Variants in SASH1 observed in about 807,000 individuals in gnomAD.
SASH1 encodes the protein SAM and SH3 domain-containing protein 1.
Under a neutral mutation model 125.2 loss-of-function variants are expected in SASH1, and 44 were observed. The observed-to-expected ratio is 0.35, with a 90% CI of 0.28 to 0.45. SASH1 has a LOEUF of 0.45. Among genes scored for constraint, SASH1 ranks in the 20% least tolerant of loss-of-function variants. The probability of loss-of-function intolerance (pLI) is 1.00; values close to 1 mark genes in which losing one functional copy is unlikely to be tolerated. For missense variants in SASH1, 1,426 were observed against 1,614.5 expected, an observed-to-expected ratio of 0.88 and a Z score of 2.00; for synonymous variants, 639 against 649.1, an observed-to-expected ratio of 0.98 and a Z score of 0.24.
intron 5 of SASH1, 87 bp from the exon 6 acceptor site, chr6:148,471,330 C>T (rs912004797): frequency 3.2e-5 from 26 of 814,738 alleles, no homozygotes; most frequent in African/African-American, 7.4e-5. Context: ...CTTTGAATTA[C>T]AAGGAAGAGG....
intron 1 of SASH1, among the ~76,000 whole-genome samples, chr6:148,319,409 T>G (rs1780580832): frequency 1.3e-5 from 2 of 152,170 alleles, no homozygotes. Context: ...TAGTCCTCCC[T>G]TATTCATGGT....
chr6:148,534,865 C>T lies in SASH1; in HGVS notation c.2059C>T (p.Leu687Phe). The T allele has an allele frequency of 6.2e-7, 1 of 1,614,256 alleles. No homozygotes were observed. Among genetic ancestry groups the T allele is most frequent in the Non-Finnish European group, 8.5e-7 (1 of 1,180,044 alleles). Residue 687 changes from leucine to phenylalanine, a missense_variant, in exon 16 of 20, where the codon CTC becomes TTC. Physicochemically the swap from Leu to Phe is conservative, Grantham distance 22. This residue lies in a region of SASH1 where 225 missense variants were observed against 344.5 expected (regional missense o/e 0.65). Coordinates refer to ENST00000367467, the MANE Select transcript of SASH1 (RefSeq NM_015278.5). The part of the protein sequence containing the change: ...NIRDPEHRAV[L>F]LTAVELLQEY... ...CAGGGACCCGGAACACAGAGCTGTT[C>T]TCTTGACAGCAGTGGAGCTGTTACA...
chr6:148,310,424 GA>G (rs5880770), intron 1 of SASH1, among the ~76,000 whole-genome samples: 47,494 of 140,614 alleles, frequency 0.34, 8,096 homozygotes, highest in African/African-American at 0.49. Flanking sequence ...ATCCATATGT[GA>G]AAAAAAAAAA....
chr6:148,386,622 G>A (rs1421591537), intron 1 of SASH1, among the ~76,000 whole-genome samples: 1 of 152,204 alleles, frequency 6.6e-6, no homozygotes, highest in East Asian at 1.9e-4. Context: ...AGTGGCAGGT[G>A]TGTTTTGTTT....
chr6:148,420,727 A>G (rs1317923182), intron 2 of SASH1, among the ~76,000 whole-genome samples: 1 of 152,068 alleles, frequency 6.6e-6, no homozygotes. Flanking sequence ...GTCTTTGAGT[A>G]TACCATAATT....
At chr6:148,492,708 C>G (rs1400786454) in intron 8 of SASH1, among the ~76,000 whole-genome samples, 1 of 152,034 alleles carries the variant, frequency 6.6e-6, no homozygotes, top group Non-Finnish European at 1.5e-5. Flanking sequence ...ATAGTCCCAG[C>G]TACTTGGGAG....
intron 2 of SASH1, among the ~76,000 whole-genome samples, chr6:148,427,915 C>T (rs1269741424): frequency 2.0e-5 from 3 of 152,168 alleles, no homozygotes; most frequent in Non-Finnish European, 4.4e-5. Flanking sequence ...TCAGCTTTGC[C>T]CAATGTGAAA....
intron 1 of SASH1, among the ~76,000 whole-genome samples, chr6:148,292,303 T>G (rs944367180): frequency 6.6e-6 from 1 of 152,170 alleles, no homozygotes; most frequent in Non-Finnish European, 1.5e-5. Flanking sequence ...TGCCCTGAGC[T>G]CTGAGCTTGC....
intron 1 of SASH1, among the ~76,000 whole-genome samples, chr6:148,387,905 A>ATTT (rs71004291): frequency 0.064 from 3,442 of 54,062 alleles, 494 homozygotes; most frequent in South Asian, 0.14. Flanking sequence ...CGCCCTGCTA[A>ATTT]TTTTTTTTTT....
At chr6:148,475,823 G>T (rs1158794252) in intron 7 of SASH1, among the ~76,000 whole-genome samples, 1 of 152,122 alleles carries the variant, frequency 6.6e-6, no homozygotes, top group Non-Finnish European at 1.5e-5. Flanking sequence ...TACTATGTAT[G>T]TTTTTTCTTA....
intron 1 of SASH1, among the ~76,000 whole-genome samples, chr6:148,358,733 G>GT (rs10673654): frequency 0.17 from 20,386 of 120,310 alleles, 2,784 homozygotes; most frequent in South Asian, 0.27. Flanking sequence ...CCATGTTTTT[G>GT]TTTTTTTTTT....
chr6:148,405,827 G>C (rs1046440123), intron 2 of SASH1, among the ~76,000 whole-genome samples: 1 of 152,162 alleles, frequency 6.6e-6, no homozygotes, highest in African/African-American at 2.4e-5. Flanking sequence ...CTGTACTTCT[G>C]TATCCCAGCA....
In SASH1 at chr6:148,427,624, A is replaced by T. The variant is rs370394107; in HGVS notation, c.286-12560A>T. Among the ~76,000 whole-genome samples, 118 of 152,342 alleles carry T rather than the reference A, an allele frequency of 7.7e-4. 1 individual carries two copies. Among genetic ancestry groups the T allele is most frequent in the African/African-American group, 2.8e-3 (117 of 41,588 alleles). On this transcript the variant is annotated intron_variant, in intron 2 of 19. Transcript: ENST00000367467. ...ATAGTTTTAAACAAAGACAGTTTAGACATTAAAGCAGTATACGCCTTGTTT... is the reference window on the plus strand; with the variant it reads ...ATAGTTTTAAACAAAGACAGTTTAGTCATTAAAGCAGTATACGCCTTGTTT...
chr6:148,438,543 A>T (rs1244014658), intron 2 of SASH1, among the ~76,000 whole-genome samples: 2 of 152,098 alleles, frequency 1.3e-5, no homozygotes, highest in Non-Finnish European at 2.9e-5. Flanking sequence ...TGAGAGTTCT[A>T]TGGAGGTTTT....
At position 148,519,914 on chromosome 6, in the gene SASH1, C is replaced by T. The variant is rs377444578; in HGVS notation, c.1209+21C>T. Reference sequence around the variant, plus strand: ...ACGGGGTAAGTACGGATGGTGTTTGCTTCTATGACAACCACCGTCGCAGGC... The same window carrying T: ...ACGGGGTAAGTACGGATGGTGTTTGTTTCTATGACAACCACCGTCGCAGGC... On this transcript the variant is annotated intron_variant, in intron 10 of 19. Coordinates refer to ENST00000367467, the MANE Select transcript of SASH1 (RefSeq NM_015278.5). This position sits in a 1 kb window ranked among gnomAD's most constrained non-coding sequence, Gnocchi z 4.8. 6.7e-7 allele frequency: 1 copy of T among 1,501,932 alleles called. No individual in the cohort carries two copies. The highest frequency in any genetic ancestry group is 1.2e-5 in the South Asian group (1 of 82,066). 93.0% of individuals were successfully genotyped at this position (1,501,932 alleles called of 1,614,324 possible).
At chr6:148,539,165 T>G (rs1359972194) in intron 16 of SASH1, among the ~76,000 whole-genome samples, 1 of 152,158 alleles carries the variant, frequency 6.6e-6, no homozygotes, top group Non-Finnish European at 1.5e-5. Context: ...TTAAAAGCCT[T>G]CCTCAGAATG....
intron 2 of SASH1, among the ~76,000 whole-genome samples, chr6:148,425,069 C>T (rs916776232): frequency 6.6e-6 from 1 of 152,154 alleles, no homozygotes; most frequent in African/African-American, 2.4e-5. Context: ...CAGCGGCATA[C>T]TTGGTCATCA....
rs926914423 is a variant in SASH1, at chr6:148,512,959, G to A, written c.730-1365G>A. On this transcript the variant is annotated intron_variant, in intron 8 of 19. Transcript: ENST00000367467. ...TCCATGCCTTGAGTTCCAGGGTGAG[G>A]ACAGAGGCCAGGACATCAGTTGTTT... 9 of 985,296 alleles carry A rather than the reference G, an allele frequency of 9.1e-6. No individual in the cohort carries two copies. The Admixed American group carries it at 5.5e-4, about 61-fold the overall frequency. 61.0% of individuals were successfully genotyped at this position (985,296 alleles called of 1,614,324 possible). A position where few individuals can be genotyped will look rare whatever the true frequency, so the allele number is the denominator to read the frequency against.
At chr6:148,222,634 G>A in the SASH1 span, among the ~76,000 whole-genome samples, 2 of 152,306 alleles carry the variant, frequency 1.3e-5, no homozygotes, top group South Asian at 4.1e-4. Flanking sequence ...TACACATAAG[G>A]AAATGTTGAA....
Sources: gnomAD v4.1 joint callset for allele counts (sites outside exome capture counted in the v4.1 genomes callset) on GRCh38, gnomAD v4.1.1 for gene constraint, gnomAD v4.1.1 regional missense constraint, Gnocchi (gnomAD v3.1) non-coding constraint, MANE v1.5 for transcripts, NCBI Gene and HGNC (gene_info 2026-07-23, HGNC 2026-07-21) for gene names.